Variants in E2F7 observed in about 807,000 individuals in gnomAD.
E2F7 encodes E2F transcription factor 7, also known as transcription factor E2F7.
In E2F7, 35 loss-of-function variants were observed where a neutral mutation model predicts 81.1. The ratio of observed to expected loss-of-function variants is 0.43; its 90% confidence interval spans 0.33 to 0.57. The LOEUF is 0.57. E2F7 is among the 20% of genes least tolerant of loss of function. The pLI is 0.04. For missense variants in E2F7, 961 were observed against 1,093.7 expected (o/e 0.88, Z 1.71); for synonymous variants, 416 against 416.2 (o/e 1.00, Z 0.01).
intron 4 of E2F7, 119 bp downstream of exon 4, chr12:77,050,457 G>A: frequency 1.0e-6 from 1 of 992,030 alleles, no homozygotes; most frequent in Non-Finnish European, 1.5e-6. Context: ...AGCTCTGCCT[G>A]TTCCTCTGTC....
In E2F7 at chr12:77,044,622, G is replaced by T; in HGVS notation, c.988+15C>A. 6.2e-7 allele frequency: 1 copy of T among 1,612,802 alleles called. No homozygotes were observed. Among genetic ancestry groups the T allele is most frequent in the Non-Finnish European group, 8.5e-7 (1 of 1,179,602 alleles). On this transcript the variant is annotated intron_variant, in intron 6 of 12. Coordinates refer to ENST00000322886, the MANE Select transcript of E2F7 (RefSeq NM_203394.3). ...CTTTATGTGCTAGTAAGTTGATGGA[G>T]GTGAAGATTCTTACTTTTAAATTTA... is the stretch of plus-strand genomic sequence containing the variant.
intron 3 of E2F7, among the ~76,000 whole-genome samples, chr12:77,053,997 A>T (rs1955010560): frequency 6.6e-6 from 1 of 152,202 alleles, no homozygotes; most frequent in Non-Finnish European, 1.5e-5. Context: ...AGTTTTAAAA[A>T]GGTATAAAAA....
At chr12:77,057,073 G>C (rs1027002250) in intron 2 of E2F7, among the ~76,000 whole-genome samples, 10 of 151,770 alleles carry the variant, frequency 6.6e-5, no homozygotes, top group Admixed American at 5.9e-4. Context: ...ATTTTTTGGA[G>C]ATAGGGTCTC....
chr12:77,034,636 A>G (rs1380976850), intron 7 of E2F7, among the ~76,000 whole-genome samples: 1 of 152,262 alleles, frequency 6.6e-6, no homozygotes, highest in African/African-American at 2.4e-5. Context: ...CCCTGGAGAC[A>G]CAGTTTGTGT....
At position 77,028,058 on chromosome 12, in the gene E2F7, C is replaced by A. The variant is rs183676167; in HGVS notation, c.1965G>T (p.Val655=). ...RASIPLKDIH[V]NGQLPAAEEI... ...CTTCTGCAGCAGGGAGTTGGCCATT[C>A]ACATGAATGTCTTTGAGGGGTATAG... is the stretch of plus-strand genomic sequence containing the variant. The change falls in exon 11 of 13, where the codon GTG becomes GTT. Residue 655 remains valine (V), a synonymous_variant. Coordinates refer to ENST00000322886, the MANE Select transcript of E2F7 (RefSeq NM_203394.3). 3 of 1,614,196 alleles carry A rather than the reference C, an allele frequency of 1.9e-6. No homozygotes were observed. The highest frequency in any genetic ancestry group is 2.5e-6 in the Non-Finnish European group (3 of 1,180,046).
chr12:77,027,078 A>C (rs1395764148), intron 11 of E2F7, among the ~76,000 whole-genome samples: 1 of 152,216 alleles, frequency 6.6e-6, no homozygotes, highest in African/African-American at 2.4e-5. Flanking sequence ...GAAAGCACTA[A>C]AAGATACTTA....
chr12:77,046,384 A>G, intron 4 of E2F7, 56 bp from the exon 5 acceptor site: 1 of 1,559,540 alleles, frequency 6.4e-7, no homozygotes, highest in South Asian at 1.2e-5. Context: ...TTTGAAGAGA[A>G]GTTCCTTGAG....
chr12:77,034,235 A>C (rs979507212), intron 7 of E2F7, among the ~76,000 whole-genome samples, 193 bp from the exon 8 acceptor site: 1 of 150,658 alleles, frequency 6.6e-6, no homozygotes, highest in African/African-American at 2.4e-5. Context: ...TTTTTTTTTT[A>C]AGTTAGTGGA....
At position 77,021,320 on chromosome 12, in the gene E2F7, CA is replaced by C. The variant is rs1312788614; in HGVS notation, c.*2694del. 3 of 152,164 alleles carry C rather than the reference CA, an allele frequency of 2.0e-5. No individual in the cohort carries two copies. Among genetic ancestry groups the C allele is most frequent in the Admixed American group, 6.6e-5 (1 of 15,222 alleles). 9.4% of individuals were successfully genotyped at this position (152,164 alleles called of 1,614,324 possible). On this transcript the variant is annotated 3_prime_UTR_variant, in exon 13 of 13. Transcript: ENST00000322886. ...TTCCTAAAAATATTAGAAAAAAAAT[CA>C]GAACAAAAAATCAGTTTACATGTAG...
intron 3 of E2F7, among the ~76,000 whole-genome samples, chr12:77,051,705 A>G (rs1245959302): frequency 6.6e-6 from 1 of 152,202 alleles, no homozygotes; most frequent in African/African-American, 2.4e-5. Flanking sequence ...ATGAAAACAC[A>G]ACAGCAAACA....
Position 77,027,896 on chromosome 12 carries a change from C to T in E2F7, c.2127G>A (p.Val709=), listed in dbSNP as rs752077347. Residue 709 remains valine (V), a synonymous_variant, in exon 11 of 13, where the codon GTG becomes GTA. Transcript: ENST00000322886. ...KEPSLLQYLC[V]QSPAGLNGFN... ...GACATCCCTTACCTGCAGGAGACTGCACACAAAGATATTGTAGCAAAGAAG... is the reference window on the plus strand; with the variant it reads ...GACATCCCTTACCTGCAGGAGACTGTACACAAAGATATTGTAGCAAAGAAG... 1.9e-6 allele frequency: 3 copies of T among 1,614,132 alleles called. No homozygotes were observed. The highest frequency in any genetic ancestry group is 2.5e-6 in the Non-Finnish European group (3 of 1,180,038).
Position 77,028,155 on chromosome 12 carries a change from C to A in E2F7, c.1885-17G>T, listed in dbSNP as rs1954774766. ...TGAGGGTTTCTAAACACAACCAAAC[C>A]AGGAAGCAAGAAAGTAAGTTAAAAT... On this transcript the variant is annotated splice_polypyrimidine_tract_variant and intron_variant, in intron 10 of 12. Coordinates refer to ENST00000322886, the MANE Select transcript of E2F7 (RefSeq NM_203394.3). 6.3e-7 allele frequency: 1 copy of A among 1,591,668 alleles called. No individual in the cohort carries two copies. The highest frequency in any genetic ancestry group is 1.8e-5 in the Admixed American group (1 of 55,094).
intron 3 of E2F7, among the ~76,000 whole-genome samples, chr12:77,051,377 G>A (rs1481838603): frequency 1.3e-5 from 2 of 151,268 alleles, no homozygotes; most frequent in African/African-American, 2.4e-5. Flanking sequence ...AAAGAAAAGT[G>A]ATATAATTAT....
At chr12:77,047,302 T>C (rs1392422942) in intron 4 of E2F7, among the ~76,000 whole-genome samples, 1 of 152,236 alleles carries the variant, frequency 6.6e-6, no homozygotes, top group Non-Finnish European at 1.5e-5. Flanking sequence ...GTATTTATCT[T>C]ATATAATAAT....
At chr12:77,047,238 T>A (rs992859129) in intron 4 of E2F7, among the ~76,000 whole-genome samples, 1 of 152,248 alleles carries the variant, frequency 6.6e-6, no homozygotes, top group Admixed American at 6.5e-5. Flanking sequence ...ATCCCTGATA[T>A]ATCCCTTACT....
Position 77,050,717 on chromosome 12 carries a change from C to T in E2F7, c.397G>A (p.Asp133Asn). 6.2e-7 allele frequency: 1 copy of T among 1,613,740 alleles called. No individual in the cohort carries two copies. Residue 133 changes from aspartate (D) to asparagine (N), a missense_variant, in exon 4 of 13, where the codon GAC becomes AAC. By Grantham distance (23) the Asp-to-Asn change is conservative. This residue lies in a region of E2F7 where 301 missense variants were observed against 405.0 expected (regional missense o/e 0.74). Transcript: ENST00000322886. ...QLDVVGDSAV[D>N]EFEKQRPSRK... Reference sequence around the variant, plus strand: ...CTTGGCCTTTGCTTTTCAAATTCGTCCACAGCACTGTCCCCAACAACATCA... The same window carrying T: ...CTTGGCCTTTGCTTTTCAAATTCGTTCACAGCACTGTCCCCAACAACATCA...
At chr12:77,039,677 G>A (rs1438388432) in intron 7 of E2F7, among the ~76,000 whole-genome samples, 2 of 152,204 alleles carry the variant, frequency 1.3e-5, no homozygotes, top group African/African-American at 4.8e-5. Flanking sequence ...GCAAGATATG[G>A]TTGAACTAGA....
chr12:77,044,678 A>G lies in E2F7; in HGVS notation c.947T>C (p.Ile316Thr). Residue 316 changes from isoleucine to threonine, a missense_variant, in exon 6 of 13, where the codon ATA becomes ACA. By Grantham distance (89) the Ile-to-Thr change is moderately conservative (BLOSUM62 -1). Transcript: ENST00000322886. ...VTLDVAAKIL[I>T]EESQDAPDHS... ...GTCTGGGGCATCTTGGCTTTCTTCT[A>G]TCAGTATTTTGGCAGCCACATCCAG... The G allele has an allele frequency of 6.2e-7, 1 of 1,614,124 alleles. No individual in the cohort carries two copies. The highest frequency in any genetic ancestry group is 1.1e-5 in the South Asian group (1 of 91,078).
chr12:77,057,337 A>C (rs886726629), intron 2 of E2F7, among the ~76,000 whole-genome samples: 1 of 152,010 alleles, frequency 6.6e-6, no homozygotes, highest in African/African-American at 2.4e-5. Context: ...CAGCCTCCCA[A>C]AGTGCTAGAA....
Sources: allele counts gnomAD v4.1 joint callset (sites outside exome capture counted in the v4.1 genomes callset), GRCh38; gene constraint gnomAD v4.1.1; regional missense constraint gnomAD v4.1.1; transcripts MANE v1.5; gene names NCBI Gene and HGNC (gene_info 2026-07-23, HGNC 2026-07-21).